HELLS: variants seen among roughly 807,000 people sequenced by gnomAD.
The protein encoded by HELLS is helicase, lymphoid specific.
Under a neutral mutation model 120.0 loss-of-function variants are expected in HELLS, and 32 were observed. That is an observed-to-expected ratio of 0.27 (90% confidence interval 0.20 to 0.36). The LOEUF is 0.36. HELLS is among the 10% of genes least tolerant of loss of function. The pLI, the probability that HELLS is intolerant of heterozygous loss-of-function variation, is 1.00. For synonymous variants in HELLS, 341 were observed against 323.4 expected (o/e 1.05, Z -0.58); for missense variants, 650 against 993.4 (o/e 0.65, Z 4.65).
intron 2 of HELLS, among the ~76,000 whole-genome samples, chr10:94,547,640 T>G (rs1229165472): frequency 6.6e-6 from 1 of 152,208 alleles, no homozygotes; most frequent in Non-Finnish European, 1.5e-5. Context: ...ATTACTGCTA[T>G]TAAACTTACT....
chr10:94,609,329 C>T (rs1846165088), intron 9 of HELLS, among the ~76,000 whole-genome samples: 1 of 152,090 alleles, frequency 6.6e-6, no homozygotes, highest in Admixed American at 6.6e-5. Flanking sequence ...AGTATATATC[C>T]ACCACTTTAC....
intron 6 of HELLS, chr10:94,569,713 T>C (rs1433750640): frequency 2.0e-5 from 3 of 152,276 alleles, no homozygotes; most frequent in Admixed American, 2.0e-4. Context: ...CGAGTAGTAG[T>C]GCAGGGACTA....
At chr10:94,590,804 GT>G (rs1344684891) in intron 15 of HELLS, 28 bp downstream of exon 15, 1 of 1,294,480 alleles carries the variant, frequency 7.7e-7, no homozygotes, top group African/African-American at 1.5e-5. Context: ...CTAATTTACT[GT>G]TTTGATTTCC....
In HELLS at chr10:94,571,403, G is replaced by T. The variant is rs1368971434; in HGVS notation, c.451G>T (p.Ala151Ser). The T allele has an allele frequency of 3.4e-6, 5 of 1,490,442 alleles. No homozygotes were observed. In the Admixed American group the frequency reaches 7.1e-5, roughly 21 times the overall value. The allele number at this position is 1,490,442 out of a possible 1,614,324, so 92.3% of individuals were successfully genotyped here. The part of the protein sequence containing the change: ...VMSKEEILSV[A>S]KKNKKENEDE... The stretch of plus-strand genomic sequence containing the variant: ...AAACTACTAGGAAATTTTGTCTGTG[G>T]CTAAAAAAAATAAAAAGGAGAATGA... The change falls in exon 7 of 22, where the codon GCT (alanine) becomes TCT (serine). Residue 151 changes from alanine (A) to serine (S), a missense_variant. Ala to Ser is a moderately conservative substitution (Grantham distance 99). Around this residue, in one of 9 missense-constraint regions of HELLS, gnomAD observed 113 missense variants for 120.7 expected, o/e 0.94. Coordinates refer to ENST00000348459, the MANE Select transcript of HELLS (RefSeq NM_018063.5).
chr10:94,567,446 G>GCC (rs1843870701), intron 6 of HELLS, among the ~76,000 whole-genome samples: 1 of 152,110 alleles, frequency 6.6e-6, no homozygotes, highest in African/African-American at 2.4e-5. Flanking sequence ...TTACAGGCAT[G>GCC]TGCCACCACG....
At chr10:94,595,061 C>T (rs1027643853) in intron 19 of HELLS, among the ~76,000 whole-genome samples, 4 of 152,026 alleles carry the variant, frequency 2.6e-5, no homozygotes, top group Non-Finnish European at 5.9e-5. Context: ...AACCGCGTCT[C>T]TACTAACAAT....
intron 10 of HELLS, 24 bp from the exon 11 acceptor site, chr10:94,581,302 C>CT (rs34112784): frequency 7.0e-7 from 1 of 1,420,508 alleles, no homozygotes; most frequent in African/African-American, 1.4e-5. Context: ...GTTTAAAAAT[C>CT]TTTTTCCTCA....
downstream of HELLS, among the ~76,000 whole-genome samples, chr10:94,603,572 A>G (rs1846090283): frequency 6.6e-6 from 1 of 152,132 alleles, no homozygotes; most frequent in Admixed American, 6.5e-5. Flanking sequence ...ACTCAAATTT[A>G]TATCTCCAGC....
intron 3 of HELLS, among the ~76,000 whole-genome samples, chr10:94,555,614 G>A (rs1471648732): frequency 6.6e-6 from 1 of 152,082 alleles, no homozygotes; most frequent in African/African-American, 2.4e-5. Context: ...CTCTGAATAT[G>A]TTGTAATCTT....
chr10:94,595,784 A>T (rs1309479717), intron 19 of HELLS, among the ~76,000 whole-genome samples: 1 of 152,242 alleles, frequency 6.6e-6, no homozygotes, highest in African/African-American at 2.4e-5. Context: ...AAAATCATTT[A>T]TGTAAATCAT....
In HELLS at chr10:94,565,503, A is replaced by T. The variant is rs906079252; in HGVS notation, c.435+2627A>T. ...TCAAGAGTTCGAGGCCAGCCTGACC[A>T]GCATGGAGAAACCCCATCTCTACTA... On this transcript the variant is annotated intron_variant, in intron 6 of 21. Transcript: ENST00000348459. 9.9e-5 allele frequency among the ~76,000 whole-genome samples: 15 copies of T among 152,166 alleles called. 1 individual carries two copies. The highest frequency in any genetic ancestry group is 3.6e-4 in the African/African-American group (15 of 41,444).
At chr10:94,589,946 G>A (rs895690042) in intron 13 of HELLS, among the ~76,000 whole-genome samples, 3 of 151,952 alleles carry the variant, frequency 2.0e-5, no homozygotes, top group South Asian at 2.1e-4. Flanking sequence ...CTCGGCCTCC[G>A]AAAGTGCTGG....
At position 94,588,249 on chromosome 10, in the gene HELLS, G is replaced by A; in HGVS notation, c.1347G>A (p.Leu449=). 6.3e-7 allele frequency: 1 copy of A among 1,598,810 alleles called. No homozygotes were observed. Among genetic ancestry groups the A allele is most frequent in the African/African-American group, 1.3e-5 (1 of 74,292 alleles). Residue 449 remains leucine, a synonymous_variant, in exon 13 of 22, where the codon TTG becomes TTA. Coordinates refer to ENST00000348459, the MANE Select transcript of HELLS (RefSeq NM_018063.5). ...TTTAGATTTTAACACCTTTCTTATT[G>A]AGAAGACTGAAGTCTGATGTTGCTC... ...MLHQILTPFL[L]RRLKSDVALE...
At chr10:94,551,298 C>T (rs997410645) in intron 2 of HELLS, among the ~76,000 whole-genome samples, 2 of 152,194 alleles carry the variant, frequency 1.3e-5, no homozygotes, top group South Asian at 2.1e-4. Context: ...ATGCCGGGTA[C>T]GGTGGCTCAC....
chr10:94,550,640 A>G (rs372604439), intron 2 of HELLS, among the ~76,000 whole-genome samples: 29 of 152,158 alleles, frequency 1.9e-4, no homozygotes, highest in Non-Finnish European at 3.1e-4. Context: ...CTGTAATCCC[A>G]GCACTTTGGG....
chr10:94,566,275 G>A (rs1156240316), intron 6 of HELLS, among the ~76,000 whole-genome samples: 1 of 152,170 alleles, frequency 6.6e-6, no homozygotes, highest in Non-Finnish European at 1.5e-5. Context: ...AATGATATCT[G>A]TGTTGTGACT....
downstream of HELLS, among the ~76,000 whole-genome samples, chr10:94,606,785 G>A (rs1846134073): frequency 1.3e-5 from 2 of 152,226 alleles, no homozygotes; most frequent in South Asian, 4.1e-4. Context: ...ATCATTTACT[G>A]TTCCTCAAAT....
downstream of HELLS, among the ~76,000 whole-genome samples, chr10:94,605,974 C>T (rs1678803935): frequency 6.6e-6 from 1 of 151,874 alleles, no homozygotes; most frequent in Non-Finnish European, 1.5e-5. Flanking sequence ...GTGGGGGGAA[C>T]CAGCCTTTTG....
intron 19 of HELLS, 69 bp from the exon 20 acceptor site, chr10:94,596,791 T>G: frequency 1.3e-6 from 1 of 785,398 alleles, no homozygotes; most frequent in Non-Finnish European, 2.1e-6. Context: ...CCATTGTGAT[T>G]GGTTTGTAAT....
Sources: allele counts gnomAD v4.1 joint callset (sites outside exome capture counted in the v4.1 genomes callset), GRCh38; gene constraint gnomAD v4.1.1; regional missense constraint gnomAD v4.1.1; transcripts MANE v1.5; gene names NCBI Gene and HGNC (gene_info 2026-07-23, HGNC 2026-07-21).